HMCN1: variants seen among roughly 807,000 people sequenced by gnomAD.
The protein encoded by HMCN1 is hemicentin-1.
HMCN1 carries 321 observed loss-of-function variants against 625.9 expected under a neutral mutation model. The ratio of observed to expected loss-of-function variants is 0.51; its 90% CI spans 0.47 to 0.56. The LOEUF is 0.56. HMCN1 is among the 20% of genes least tolerant of loss of function. HMCN1 has a pLI of 0.00. For missense variants in HMCN1, 6,588 were observed against 6,887.3 expected (o/e 0.96, Z 1.54); for synonymous variants, 2,425 against 2,417.6 (o/e 1.00, Z -0.09).
intron 46 of HMCN1, among the ~76,000 whole-genome samples, chr1:186,061,427 C>A (rs1379718017): frequency 2.0e-5 from 3 of 152,234 alleles, no homozygotes; most frequent in South Asian, 4.1e-4. Flanking sequence ...TCACCTCCAC[C>A]AGGTCCCTCC....
intron 100 of HMCN1, 60 bp downstream of exon 100, chr1:186,167,002 G>T: frequency 6.2e-7 from 1 of 1,607,002 alleles, no homozygotes; most frequent in South Asian, 1.1e-5. Flanking sequence ...CCCACCTTTT[G>T]ACTCCTCAAA....
At chr1:186,030,762 T>A (rs1655378447) in intron 36 of HMCN1, among the ~76,000 whole-genome samples, 1 of 151,906 alleles carries the variant, frequency 6.6e-6, no homozygotes, top group Admixed American at 6.6e-5. Flanking sequence ...TGTTTTTCTC[T>A]TTCTCCATTG....
intron 2 of HMCN1, among the ~76,000 whole-genome samples, chr1:185,859,109 T>TAA (rs1662705561): frequency 6.8e-6 from 1 of 147,040 alleles, no homozygotes; most frequent in Admixed American, 6.8e-5. Flanking sequence ...TGTATATATA[T>TAA]AATCCTTGTT....
intron 1 of HMCN1, among the ~76,000 whole-genome samples, chr1:185,737,413 G>C (rs1186458323): frequency 6.6e-6 from 1 of 152,162 alleles, no homozygotes; most frequent in African/African-American, 2.4e-5. Flanking sequence ...GCCTCCCAAA[G>C]TGCTGGGATT....
intron 11 of HMCN1, among the ~76,000 whole-genome samples, chr1:185,950,700 TG>T (rs1668608496): frequency 6.6e-6 from 1 of 151,860 alleles, no homozygotes; most frequent in South Asian, 2.1e-4. Context: ...CTGAGCTTGA[TG>T]GGTGTCAGGG....
At chr1:186,183,808 A>C (rs1362633913) in intron 105 of HMCN1, among the ~76,000 whole-genome samples, 1 of 152,088 alleles carries the variant, frequency 6.6e-6, no homozygotes, top group Non-Finnish European at 1.5e-5. Flanking sequence ...GGAGCATTGC[A>C]CTGAGGCGGC....
intron 1 of HMCN1, among the ~76,000 whole-genome samples, chr1:185,778,780 A>G (rs112031129): frequency 0.031 from 4,746 of 152,104 alleles, 225 homozygotes; most frequent in African/African-American, 0.1. Flanking sequence ...AGTCTTTGCT[A>G]TTGTGAATAG....
intron 1 of HMCN1, among the ~76,000 whole-genome samples, chr1:185,780,469 A>G (rs941021854): frequency 4.6e-5 from 7 of 152,162 alleles, no homozygotes; most frequent in African/African-American, 1.4e-4. Flanking sequence ...ATTCAGTATG[A>G]TATTGGCTGT....
rs555659258 is a variant in HMCN1, at chr1:185,892,995, C to T, written c.622-16342C>T. ...GGGGTAGGACCCTCCAAGCCAGGTG[C>T]GGGATATAATCTCGTGGTGCGCCGT... On this transcript the variant is annotated intron_variant, in intron 4 of 106. Coordinates refer to ENST00000271588, the MANE Select transcript of HMCN1 (RefSeq NM_031935.3). Among the ~76,000 whole-genome samples, 23 of 152,158 alleles carry T rather than the reference C, an allele frequency of 1.5e-4. No homozygotes were observed. In the East Asian group the frequency reaches 1.9e-3, roughly 13 times the overall value.
At chr1:185,887,376 A>G (rs1664730636) in intron 4 of HMCN1, among the ~76,000 whole-genome samples, 1 of 151,772 alleles carries the variant, frequency 6.6e-6, no homozygotes, top group Non-Finnish European at 1.5e-5. Context: ...TTACATACGT[A>G]TACATGTGCC....
intron 11 of HMCN1, among the ~76,000 whole-genome samples, chr1:185,960,631 AGCCTACCAGTGGGATTCTT>A (rs1261909469): frequency 6.6e-6 from 1 of 152,174 alleles, no homozygotes; most frequent in East Asian, 1.9e-4. Flanking sequence ...TGAAATACAG[AGCCTACCAGTGGGATTCTT>A]GCTGGGAGAG....
intron 25 of HMCN1, among the ~76,000 whole-genome samples, chr1:185,998,868 T>C (rs1652986484): frequency 6.6e-6 from 1 of 152,148 alleles, no homozygotes; most frequent in Non-Finnish European, 1.5e-5. Flanking sequence ...TTAAGTAGTC[T>C]GATTAAAGTT....
chr1:185,765,022 A>C (rs1288373689), intron 1 of HMCN1, among the ~76,000 whole-genome samples: 1 of 152,158 alleles, frequency 6.6e-6, no homozygotes, highest in Non-Finnish European at 1.5e-5. Flanking sequence ...AGCTGATTGC[A>C]TGGGGAGAGT....
rs1206045412 is a variant in HMCN1, at chr1:185,995,047, A to G, written c.3738A>G (p.Ile1246Met). The G allele has an allele frequency of 1.2e-6, 2 of 1,613,806 alleles. No individual in the cohort carries two copies. Among genetic ancestry groups the G allele is most frequent in the South Asian group, 1.1e-5 (1 of 91,082 alleles). Residue 1246 changes from isoleucine to methionine, a missense_variant, in exon 24 of 107, where the codon ATA becomes ATG. Ile to Met is a conservative substitution (Grantham distance 10, BLOSUM62 1). Around this residue, in one of 3 missense-constraint regions of HMCN1, gnomAD observed 4,628 missense variants for 4,853.1 expected, o/e 0.95. Transcript: ENST00000271588. ...AGIYTCVATN[I>M]AGTDETEITL... ...TATATACATGTGTTGCTACTAACAT[A>G]GCAGGCACTGATGAAACAGAGATAA...
At chr1:185,972,732 G>T (rs150651888) in intron 15 of HMCN1, among the ~76,000 whole-genome samples, 247 of 152,178 alleles carry the variant, frequency 1.6e-3, no homozygotes, top group African/African-American at 5.5e-3. Flanking sequence ...CACAATGTTA[G>T]GAGTTGCTTC....
chr1:185,894,327 G>A (rs919493697), intron 4 of HMCN1, among the ~76,000 whole-genome samples: 9 of 152,176 alleles, frequency 5.9e-5, no homozygotes, highest in Middle Eastern at 3.4e-3. Context: ...AGTTGTAGAT[G>A]GTTCATTCTC....
intron 106 of HMCN1, 112 bp from the exon 107 acceptor site, chr1:186,189,400 G>A: frequency 8.9e-7 from 1 of 1,120,640 alleles, no homozygotes; most frequent in Non-Finnish European, 1.3e-6. Flanking sequence ...TTTACAGCCA[G>A]GCTGCCTACT....
intron 36 of HMCN1, among the ~76,000 whole-genome samples, chr1:186,031,342 C>T (rs1655426085): frequency 6.6e-6 from 1 of 152,008 alleles, no homozygotes. Context: ...TGTCATCCTA[C>T]TACCTTCTGG....
At chr1:185,942,523 C>T (rs1249002592) in intron 11 of HMCN1, among the ~76,000 whole-genome samples, 1 of 152,106 alleles carries the variant, frequency 6.6e-6, no homozygotes, top group Non-Finnish European at 1.5e-5. Flanking sequence ...AAGAAAGCTA[C>T]CAACTAACTT....
Sources: gnomAD v4.1 joint callset for allele counts (sites outside exome capture counted in the v4.1 genomes callset) on GRCh38, gnomAD v4.1.1 for gene constraint, gnomAD v4.1.1 regional missense constraint, MANE v1.5 for transcripts, NCBI Gene and HGNC (gene_info 2026-07-23, HGNC 2026-07-21) for gene names.